Variants in CLDN2 observed in about 807,000 individuals in gnomAD.
CLDN2 encodes the protein claudin-2.
Under a neutral mutation model 8.2 loss-of-function variants are expected in CLDN2, and 1 was observed. The observed-to-expected ratio is 0.12, with a 90% CI of 0.04 to 0.58. The LOEUF is 0.58. Among genes scored for constraint, CLDN2 ranks in the 20% least tolerant of loss-of-function variants. The probability of loss-of-function intolerance (pLI) is 0.90; values close to 1 mark genes in which losing one functional copy is unlikely to be tolerated. For synonymous variants in CLDN2, 70 were observed against 70.2 expected, an observed-to-expected ratio of 1.00 and a Z score of 0.01; for missense variants, 108 against 172.9, an observed-to-expected ratio of 0.62 and a Z score of 2.11.
chrX:106,915,244 A>T (rs1933297924), upstream of CLDN2, among the ~76,000 whole-genome samples: 1 of 112,213 alleles, frequency 8.9e-6, no homozygotes, highest in Non-Finnish European at 1.9e-5. Context: ...GTACCAGTTT[A>T]TTCGTTCACT....
chrX:106,907,744 T>TAATAAG (rs1569286210), intron 1 of CLDN2, among the ~76,000 whole-genome samples: 3 of 104,304 alleles, frequency 2.9e-5, no homozygotes, highest in African/African-American at 1.1e-4. Context: ...ATAATAATAA[T>TAATAAG]AATAAAGGAC....
At chrX:106,913,948 C>CTT (rs35925693), upstream of CLDN2, among the ~76,000 whole-genome samples, 213 of 77,444 alleles carry the variant, frequency 2.8e-3, no homozygotes, top group African/African-American at 5.1e-3. Flanking sequence ...CACTAGAAAA[C>CTT]TTTTTTTTTT....
At chrX:106,902,121 C>T (rs1308596325) in intron 1 of CLDN2, 41 of 1,181,000 alleles carry the variant, frequency 3.5e-5, no homozygotes, top group Non-Finnish European at 4.7e-5. Context: ...GAACACACGT[C>T]ACAAGGGCTC....
chrX:106,920,060 C>T (rs1239081028), upstream of CLDN2, among the ~76,000 whole-genome samples: 1 of 111,744 alleles, frequency 8.9e-6, no homozygotes, highest in Non-Finnish European at 1.9e-5. Flanking sequence ...ACTGGCTCAC[C>T]AGGGCTGTGT....
chrX:106,905,431 G>A (rs1413346153), intron 1 of CLDN2, among the ~76,000 whole-genome samples: 2 of 112,138 alleles, frequency 1.8e-5, no homozygotes, highest in Non-Finnish European at 3.8e-5. Context: ...AAATCTTGTG[G>A]GGAAAGAGAG....
chrX:106,903,135 T>C (rs1933129928), intron 1 of CLDN2: 1 of 1,209,690 alleles, frequency 8.3e-7, no homozygotes, highest in African/African-American at 1.7e-5. Context: ...CAACTTACCT[T>C]TCACTCCCAT....
Position 106,900,699 on chromosome X carries a change from A to G in CLDN2, c.-179+195A>G, listed in dbSNP as rs761126574. Reference sequence around the variant, plus strand: ...GGGATGAGCTGTGGCGCTGTAGGGTATGGACCCTGGTACCCTCACACACCC... The same window carrying G: ...GGGATGAGCTGTGGCGCTGTAGGGTGTGGACCCTGGTACCCTCACACACCC... On this transcript the variant is annotated intron_variant, in intron 1 of 1. Transcript: ENST00000541806. 29 of 1,165,839 alleles carry G rather than the reference A, an allele frequency of 2.5e-5. 1 individual carries two copies. The Middle Eastern group carries it at 3.2e-3, about 127-fold the overall frequency.
chrX:106,928,099 T>C lies in CLDN2; in HGVS notation c.-130T>C. 1 of 493,843 alleles carries C rather than the reference T, an allele frequency of 2.0e-6. No individual in the cohort carries two copies. The highest frequency in any genetic ancestry group is 3.3e-6 in the Non-Finnish European group (1 of 300,842). 40.7% of individuals were successfully genotyped at this position (493,843 alleles called of 1,213,427 possible). ...CTGCTTGTGGCCACCCACAGACACT[T>C]GTAAGGAGGAGAGAAGTCAGCCTGG... On this transcript the variant is annotated 5_prime_UTR_variant, in exon 2 of 2. Coordinates refer to ENST00000336803, the MANE Select transcript of CLDN2 (RefSeq NM_020384.4).
At chrX:106,900,798 C>T (rs1315865779) in intron 1 of CLDN2, 4 of 1,211,439 alleles carry the variant, frequency 3.3e-6, no homozygotes, top group East Asian at 5.9e-5. Context: ...TTCTTCTTCG[C>T]TGTCTGAGTC....
upstream of CLDN2, among the ~76,000 whole-genome samples, chrX:106,914,074 T>C (rs994374706): frequency 9.5e-6 from 1 of 104,958 alleles, no homozygotes; most frequent in South Asian, 4.6e-4. Flanking sequence ...TGCCTCAGGC[T>C]CCCAAGCAGC....
intron 1 of CLDN2, among the ~76,000 whole-genome samples, chrX:106,925,395 A>T (rs1933451564): frequency 8.9e-6 from 1 of 112,043 alleles, no homozygotes; most frequent in Non-Finnish European, 1.9e-5. Context: ...AATACATAAC[A>T]CTCTGCATAG....
intron 1 of CLDN2, among the ~76,000 whole-genome samples, chrX:106,910,510 C>T: frequency 9.1e-6 from 1 of 109,516 alleles, no homozygotes; most frequent in East Asian, 2.9e-4. Context: ...GAGTTCAAGA[C>T]CCTCCCGGTC....
chrX:106,911,696 C>G (rs963355436), intron 1 of CLDN2, among the ~76,000 whole-genome samples: 4 of 112,463 alleles, frequency 3.6e-5, no homozygotes, highest in African/African-American at 1.3e-4. Flanking sequence ...AAGAAGCAAG[C>G]CTTTCTATCG....
intron 1 of CLDN2, among the ~76,000 whole-genome samples, chrX:106,921,950 A>T (rs1933399066): frequency 8.9e-6 from 1 of 112,124 alleles, no homozygotes; most frequent in South Asian, 3.7e-4. Context: ...TTCTAATAAC[A>T]GCTCTTCAGT....
intron 1 of CLDN2, among the ~76,000 whole-genome samples, chrX:106,921,694 G>C (rs1933394428): frequency 8.9e-6 from 1 of 112,190 alleles, no homozygotes; most frequent in South Asian, 3.7e-4. Context: ...GGTTAAGTCA[G>C]GAGCTGCGGT....
intron 1 of CLDN2, among the ~76,000 whole-genome samples, chrX:106,909,879 C>G (rs1163704916): frequency 9.0e-6 from 1 of 111,638 alleles, no homozygotes; most frequent in African/African-American, 3.3e-5. Context: ...TGCGGGCTCT[C>G]TTGGCAGAAC....
chrX:106,911,884 A>G (rs1187783152), intron 1 of CLDN2, among the ~76,000 whole-genome samples: 4 of 111,818 alleles, frequency 3.6e-5, no homozygotes, highest in Non-Finnish European at 5.6e-5. Context: ...GGTGGCAGAC[A>G]GCTATGACAG....
upstream of CLDN2, among the ~76,000 whole-genome samples, chrX:106,918,018 T>C (rs1039801896): frequency 8.9e-6 from 1 of 111,792 alleles, no homozygotes; most frequent in Non-Finnish European, 1.9e-5. Context: ...AGTCCTTGAA[T>C]GATTGCCAAT....
intron 1 of CLDN2, chrX:106,903,197 G>A (rs201845535): frequency 8.3e-7 from 1 of 1,211,130 alleles, no homozygotes; most frequent in Non-Finnish European, 1.1e-6. Flanking sequence ...AGGCCAGGGA[G>A]TGCCAGTGGG....
Sources: gnomAD v4.1 joint callset for allele counts (sites outside exome capture counted in the v4.1 genomes callset) on GRCh38, gnomAD v4.1.1 for gene constraint, MANE v1.5 for transcripts, NCBI Gene and HGNC (gene_info 2026-07-23, HGNC 2026-07-21) for gene names.